The following GIGYF2 variants were observed in gnomAD, a reference collection of about 807,000 sequenced individuals.
The protein encoded by GIGYF2 is GRB10 interacting GYF protein 2.
A neutral mutation model predicts 208.1 loss-of-function variants in GIGYF2; 25 were observed. The observed-to-expected ratio is 0.12, with a 90% confidence interval of 0.09 to 0.17. The LOEUF (loss-of-function observed/expected upper bound fraction) is 0.17, where lower values mean the gene tolerates loss of function less well. Among genes scored for constraint, GIGYF2 ranks in the 10% least tolerant of loss-of-function variants. GIGYF2 has a pLI of 1.00. For missense variants in GIGYF2, 1,302 were observed against 1,579.4 expected, an observed-to-expected ratio of 0.82 and a Z score of 2.98; for synonymous variants, 534 against 543.8, an observed-to-expected ratio of 0.98 and a Z score of 0.25.
At chr2:232,728,052 A>G (rs536654949) in intron 2 of GIGYF2, among the ~76,000 whole-genome samples, 2 of 152,214 alleles carry the variant, frequency 1.3e-5, no homozygotes, top group South Asian at 4.1e-4. Flanking sequence ...TGCTTTTACT[A>G]CTTTGGGAAC....
At chr2:232,720,008 A>G (rs1696865342) in intron 2 of GIGYF2, among the ~76,000 whole-genome samples, 1 of 152,130 alleles carries the variant, frequency 6.6e-6, no homozygotes, top group African/African-American at 2.4e-5. Flanking sequence ...GTTTTGTTAC[A>G]TAGTTGTACA....
At position 232,832,996 on chromosome 2, in the gene GIGYF2, A is replaced by G. The variant is rs774277772; in HGVS notation, c.2669A>G (p.Gln890Arg). The G allele has an allele frequency of 3.8e-6, 6 of 1,573,854 alleles. No individual in the cohort carries two copies. Among genetic ancestry groups the G allele is most frequent in the Non-Finnish European group, 5.2e-6 (6 of 1,159,248 alleles). ...CGGAAGAGAAAGGAGCTGGAGGTCC[A>G]GCGGCAGAAGGAGTTAATGCGCCAG... ...EERKRKELEVQRQKELMRQRQ... is the reference protein window; with the variant it reads ...EERKRKELEVRRQKELMRQRQ... Residue 890 changes from glutamine to arginine, a missense_variant, in exon 22 of 29, where the codon CAG becomes CGG. Physicochemically the swap from Gln to Arg is conservative, Grantham distance 43. Transcript: ENST00000373563.
intron 3 of GIGYF2, chr2:232,736,441 C>A (rs925756164): frequency 6.5e-6 from 1 of 154,982 alleles, no homozygotes; most frequent in Admixed American, 6.6e-5. Flanking sequence ...TTATTTTTTA[C>A]AAAAATGGGA....
intron 8 of GIGYF2, among the ~76,000 whole-genome samples, chr2:232,785,089 C>CTT (rs578157035): frequency 3.7e-5 from 5 of 134,614 alleles, no homozygotes; most frequent in South Asian, 2.3e-4. Context: ...ACTTCTTCTT[C>CTT]TTTTTTTTTT....
At position 232,787,211 on chromosome 2, in the gene GIGYF2, C is replaced by T; in HGVS notation, c.594C>T (p.Arg198=). The T allele has an allele frequency of 6.2e-7, 1 of 1,613,910 alleles. No individual in the cohort carries two copies. The highest frequency in any genetic ancestry group is 8.5e-7 in the Non-Finnish European group (1 of 1,179,918). The stretch of plus-strand genomic sequence containing the variant: ...TAGGGAGAAAGCATGAATTTATACG[C>T]TCAGAAAGTGAAAATTGGCGCATCT... ...TSVGRKHEFI[R]SESENWRIFR... The change falls in exon 9 of 29, where the codon CGC becomes CGT. Residue 198 remains arginine, a synonymous_variant. Coordinates refer to ENST00000373563, the MANE Select transcript of GIGYF2 (RefSeq NM_001103146.3).
intron 21 of GIGYF2, among the ~76,000 whole-genome samples, chr2:232,831,649 G>C (rs1166401991): frequency 6.6e-6 from 1 of 152,190 alleles, no homozygotes; most frequent in Non-Finnish European, 1.5e-5. Context: ...TCAGCCTGTT[G>C]TACACTTGCT....
At chr2:232,758,067 C>A (rs1339979771) in intron 6 of GIGYF2, among the ~76,000 whole-genome samples, 1 of 152,108 alleles carries the variant, frequency 6.6e-6, no homozygotes, top group Non-Finnish European at 1.5e-5. Flanking sequence ...CTCAACCACC[C>A]GTGATTCTTC....
At chr2:232,764,774 A>G (rs1234022022) in intron 8 of GIGYF2, among the ~76,000 whole-genome samples, 4 of 152,204 alleles carry the variant, frequency 2.6e-5, no homozygotes. Flanking sequence ...TTGATAGAAC[A>G]ATAGCCTGGT....
intron 20 of GIGYF2, among the ~76,000 whole-genome samples, chr2:232,819,133 A>G (rs1201280523): frequency 2.0e-5 from 3 of 152,152 alleles, no homozygotes; most frequent in Non-Finnish European, 4.4e-5. Context: ...TTTGGCCCCA[A>G]GAGGTGCTCT....
At chr2:232,833,157 G>A (rs1341201858) in intron 22 of GIGYF2, 64 bp downstream of exon 22, 4 of 971,106 alleles carry the variant, frequency 4.1e-6, no homozygotes, top group Non-Finnish European at 6.5e-6. Context: ...GTAGGTGCTG[G>A]CTGTACCAGT....
intron 6 of GIGYF2, chr2:232,760,004 T>G (rs1170561539): frequency 3.0e-5 from 5 of 164,876 alleles, no homozygotes; most frequent in African/African-American, 1.2e-4. Flanking sequence ...GTTTTAGAAT[T>G]GATGCTATTA....
At chr2:232,840,807 C>T (rs1701792359) in intron 23 of GIGYF2, among the ~76,000 whole-genome samples, 1 of 152,072 alleles carries the variant, frequency 6.6e-6, no homozygotes. Context: ...GAGAAGGCCT[C>T]TGAAAAGGTG....
intron 8 of GIGYF2, among the ~76,000 whole-genome samples, chr2:232,762,572 CAAATGTT>C (rs1698790369): frequency 6.6e-6 from 1 of 152,046 alleles, no homozygotes. Flanking sequence ...TTCTTATAAA[CAAATGTT>C]AAATATGTAA....
At chr2:232,783,217 A>G (rs756894600) in intron 8 of GIGYF2, among the ~76,000 whole-genome samples, 3 of 152,220 alleles carry the variant, frequency 2.0e-5, no homozygotes, top group African/African-American at 7.2e-5. Flanking sequence ...TGAATGACCA[A>G]TTCTGCATGC....
chr2:232,796,296 TA>T, intron 14 of GIGYF2, 75 bp downstream of exon 14: 1 of 961,998 alleles, frequency 1.0e-6, no homozygotes, highest in Non-Finnish European at 1.7e-6. Flanking sequence ...GGGATTTGTT[TA>T]ATTTAAATTA....
At chr2:232,778,385 T>C (rs1358509959) in intron 8 of GIGYF2, among the ~76,000 whole-genome samples, 1 of 152,258 alleles carries the variant, frequency 6.6e-6, no homozygotes, top group Non-Finnish European at 1.5e-5. Context: ...TAAGTGAAGC[T>C]AATTTCTGGA....
At chr2:232,748,941 T>C (rs1405676597) in intron 4 of GIGYF2, 46 bp from the exon 5 acceptor site, 1 of 850,308 alleles carries the variant, frequency 1.2e-6, no homozygotes, top group Non-Finnish European at 2.1e-6. Flanking sequence ...TTTCTTCTTA[T>C]TGCAGAAATA....
chr2:232,803,729 G>A lies in GIGYF2; in HGVS notation c.1640-2762G>A, dbSNP rs1190080525. ...GGAGTCTCGCTCTGTCGCCCAGGCC[G>A]GACTGCGGACTGCAGTGGCGCAATC... is the stretch of plus-strand genomic sequence containing the variant. On this transcript the variant is annotated intron_variant, in intron 14 of 28. Coordinates refer to ENST00000373563, the MANE Select transcript of GIGYF2 (RefSeq NM_001103146.3). Among the ~76,000 whole-genome samples, 14 of 61,438 alleles carry A rather than the reference G, an allele frequency of 2.3e-4. 5 individuals are homozygous for A. Among genetic ancestry groups the A allele is most frequent in the African/African-American group, 3.6e-4 (4 of 11,234 alleles). 40.3% of individuals were successfully genotyped at this position (61,438 alleles called of 152,430 possible). A position where few individuals can be genotyped will look rare whatever the true frequency, so the allele number is the denominator to read the frequency against.
chr2:232,763,850 A>G (rs1027201179), intron 8 of GIGYF2, among the ~76,000 whole-genome samples: 5 of 151,350 alleles, frequency 3.3e-5, no homozygotes, highest in African/African-American at 1.2e-4. Flanking sequence ...AAAAAAAGTT[A>G]TGTGAATGTG....
Sources: allele counts gnomAD v4.1 joint callset (sites outside exome capture counted in the v4.1 genomes callset), GRCh38; gene constraint gnomAD v4.1.1; transcripts MANE v1.5; gene names NCBI Gene and HGNC (gene_info 2026-07-23, HGNC 2026-07-21).